The following CYP46A1 variants were observed in gnomAD, a reference collection of about 807,000 sequenced individuals.
CYP46A1 encodes the protein cytochrome P450 family 46 subfamily A member 1.
CYP46A1 carries 20 observed loss-of-function variants against 63.3 expected under a neutral mutation model. The ratio of observed to expected loss-of-function variants is 0.32; its 90% CI spans 0.22 to 0.46. CYP46A1 has a LOEUF of 0.46. CYP46A1 is among the 20% of genes least tolerant of loss of function. CYP46A1 has a pLI of 1.00. For synonymous variants in CYP46A1, 268 were observed against 273.6 expected (o/e 0.98, Z 0.20); for missense variants, 445 against 670.8 (o/e 0.66, Z 3.72).
rs576476820 is a variant in CYP46A1 at position 99,722,973 on chromosome 14, G to A, written c.1176+907G>A. 2.1e-5 allele frequency: 9 copies of A among 437,306 alleles called. No individual in the cohort carries two copies. Among genetic ancestry groups the A allele is most frequent in the East Asian group, 7.1e-5 (1 of 13,990 alleles). The allele number at this position is 437,306 out of a possible 1,614,324, so 27.1% of individuals were successfully genotyped here. ...CCCCTGACTGTTCAGCTTTACAAAC[G>A]AACGCCACATTGTTTTCCAAAGTGG... On this transcript the variant is annotated intron_variant, in intron 12 of 14. Coordinates refer to ENST00000261835, the MANE Select transcript of CYP46A1 (RefSeq NM_006668.2). The surrounding 1 kb of genome is among the most constrained non-coding windows in gnomAD (Gnocchi z 4.6).
In CYP46A1 at chr14:99,721,320, C is replaced by A; in HGVS notation, c.1062C>A (p.Ser354=). Residue 354 remains serine (S), a synonymous_variant, in exon 11 of 15, where the codon TCC becomes TCA. Coordinates refer to ENST00000261835, the MANE Select transcript of CYP46A1 (RefSeq NM_006668.2). The stretch of plus-strand genomic sequence containing the variant: ...ACCTGGGGAGACTGCAGTACCTGTC[C>A]CAGGTGTGGGAAGTAGGAGGGAAGC... The part of the protein sequence containing the change: ...FEDLGRLQYL[S]QVLKESLRLY... 6.2e-7 allele frequency: 1 copy of A among 1,606,576 alleles called. No homozygotes were observed. The highest frequency in any genetic ancestry group is 8.5e-7 in the Non-Finnish European group (1 of 1,173,232).
At chr14:99,699,958 A>T in intron 4 of CYP46A1, 57 bp from the exon 5 acceptor site, 2 of 755,252 alleles carry the variant, frequency 2.6e-6, no homozygotes, top group Non-Finnish European at 4.3e-6. Context: ...AAGCCCATCA[A>T]GCAGTCGCTC....
intron 10 of CYP46A1, among the ~76,000 whole-genome samples, chr14:99,720,892 C>A (rs112983740): frequency 0.031 from 4,768 of 151,742 alleles, 266 homozygotes; most frequent in African/African-American, 0.11. Flanking sequence ...CAAGACCAGC[C>A]TGGCCAACAT....
rs909920788 is a variant in CYP46A1, at chr14:99,716,122, C to G, written c.845-15C>G. 6.2e-7 allele frequency: 1 copy of G among 1,614,186 alleles called. No individual in the cohort carries two copies. Among genetic ancestry groups the G allele is most frequent in the Non-Finnish European group, 8.5e-7 (1 of 1,180,002 alleles). On this transcript the variant is annotated splice_polypyrimidine_tract_variant and intron_variant, in intron 8 of 14. Coordinates refer to ENST00000261835, the MANE Select transcript of CYP46A1 (RefSeq NM_006668.2). ...CAAAGATTTGCTGGGAACTGAGACT[C>G]TCCTTGTTTTTCAGCTGAAGAGGGA...
chr14:99,725,876 C>G lies in CYP46A1; in HGVS notation c.1266-314C>G, dbSNP rs911757334. Reference sequence around the variant, plus strand: ...GGACTCCACAGCCTGCCTGAGTGTTCAGATCCAGGCTCTGCCCAGAGCTGG... The same window carrying G: ...GGACTCCACAGCCTGCCTGAGTGTTGAGATCCAGGCTCTGCCCAGAGCTGG... On this transcript the variant is annotated intron_variant, in intron 13 of 14. Coordinates refer to ENST00000261835, the MANE Select transcript of CYP46A1 (RefSeq NM_006668.2). The surrounding 1 kb of genome is among the most constrained non-coding windows in gnomAD (Gnocchi z 4.2). Among the ~76,000 whole-genome samples the G allele has an allele frequency of 6.6e-6, 1 of 152,172 alleles. No homozygotes were observed. The highest frequency in any genetic ancestry group is 2.1e-4 in the South Asian group (1 of 4,832).
At chr14:99,705,585 G>A (rs1432332233) in intron 5 of CYP46A1, among the ~76,000 whole-genome samples, 1 of 152,322 alleles carries the variant, frequency 6.6e-6, no homozygotes, top group Non-Finnish European at 1.5e-5. Flanking sequence ...AATAAGAATA[G>A]GACAAAGAAT....
Position 99,707,641 on chromosome 14 carries a change from T to G in CYP46A1, c.656T>G (p.Leu219Trp). ...CTGTCCCAGGCAGTGAAACTTATGT[T>G]GGAGGGAATCACTGCGTCCCGCAAC... The part of the protein sequence containing the change: ...KPLSQAVKLM[L>W]EGITASRNTL... The change falls in exon 7 of 15, where the codon TTG becomes TGG. Residue 219 changes from leucine to tryptophan, a missense_variant. By Grantham distance (61) the Leu-to-Trp change is moderately conservative. Coordinates refer to ENST00000261835, the MANE Select transcript of CYP46A1 (RefSeq NM_006668.2). 6.2e-7 allele frequency: 1 copy of G among 1,614,048 alleles called. No individual in the cohort carries two copies. The highest frequency in any genetic ancestry group is 8.5e-7 in the Non-Finnish European group (1 of 1,179,968).
intron 5 of CYP46A1, among the ~76,000 whole-genome samples, chr14:99,701,644 CTATTATGGAGG>C (rs1336125484): frequency 2.0e-5 from 3 of 152,174 alleles, no homozygotes; most frequent in Non-Finnish European, 4.4e-5. Flanking sequence ...TTTTAAATAA[CTATTATGGAGG>C]TATAATTCAC....
intron 3 of CYP46A1, among the ~76,000 whole-genome samples, chr14:99,692,979 GGGACCTT>G (rs1246162778): frequency 1.3e-5 from 2 of 152,220 alleles, no homozygotes. Flanking sequence ...AACTGGCTGT[GGGACCTT>G]GGACAAGTTG....
intron 3 of CYP46A1, among the ~76,000 whole-genome samples, chr14:99,692,776 GC>G (rs1248213764): frequency 6.6e-6 from 1 of 152,030 alleles, no homozygotes; most frequent in Non-Finnish European, 1.5e-5. Flanking sequence ...GTTGCAGTGA[GC>G]TGAGATCGTG....
intron 7 of CYP46A1, 110 bp from the exon 8 acceptor site, chr14:99,715,700 C>A: frequency 1.4e-6 from 2 of 1,423,880 alleles, no homozygotes; most frequent in Non-Finnish European, 1.9e-6. Context: ...TCACATTCTA[C>A]TGACCTCCCA....
chr14:99,706,296 C>T (rs892071227), intron 5 of CYP46A1: 3 of 185,614 alleles, frequency 1.6e-5, no homozygotes, highest in African/African-American at 4.7e-5. Flanking sequence ...GGAGGGGAAC[C>T]GGGATTGCCC....
intron 7 of CYP46A1, chr14:99,709,372 A>T (rs2056709173): frequency 1.3e-5 from 2 of 152,234 alleles, no homozygotes; most frequent in African/African-American, 4.8e-5. Context: ...AACAAACAGA[A>T]ATCTTAAAAC....
At chr14:99,695,665 T>C (rs2056581812) in intron 3 of CYP46A1, among the ~76,000 whole-genome samples, 1 of 149,010 alleles carries the variant, frequency 6.7e-6, no homozygotes, top group South Asian at 2.2e-4. Context: ...AGTTTCGCTC[T>C]TGTTGCCCAA....
intron 5 of CYP46A1, chr14:99,703,674 CT>C: frequency 1.0e-6 from 1 of 981,464 alleles, no homozygotes; most frequent in Non-Finnish European, 1.2e-6. Context: ...ATCAAGGCAC[CT>C]GTCACACCCA....
At chr14:99,712,742 A>G (rs540309321) in intron 7 of CYP46A1, 23 of 152,378 alleles carry the variant, frequency 1.5e-4, no homozygotes, top group Admixed American at 6.5e-4. Flanking sequence ...TAAAGATTCA[A>G]TGCAATCTCT....
At chr14:99,726,412 CACGGAGGAGA>C in intron 14 of CYP46A1, 135 bp from the exon 15 acceptor site, 1 of 1,168,214 alleles carries the variant, frequency 8.6e-7, no homozygotes, top group Non-Finnish European at 1.2e-6. Context: ...CTGTGTTTTG[CACGGAGGAGA>C]GCGCAAAACA....
At chr14:99,698,466 G>A (rs2056604134) in intron 3 of CYP46A1, among the ~76,000 whole-genome samples, 1 of 152,196 alleles carries the variant, frequency 6.6e-6, no homozygotes, top group Non-Finnish European at 1.5e-5. Flanking sequence ...AGCCAGGTGT[G>A]GTGGCTCACA....
intron 11 of CYP46A1, 64 bp from the exon 12 acceptor site, chr14:99,721,892 C>A: frequency 7.2e-7 from 1 of 1,385,322 alleles, no homozygotes; most frequent in Non-Finnish European, 1.0e-6. Context: ...AGGCATGCCG[C>A]CGGCCGGCAT....
Sources: allele counts gnomAD v4.1 joint callset (sites outside exome capture counted in the v4.1 genomes callset), GRCh38; gene constraint gnomAD v4.1.1; non-coding constraint Gnocchi (gnomAD v3.1); transcripts MANE v1.5; gene names NCBI Gene and HGNC (gene_info 2026-07-23, HGNC 2026-07-21).